Variants in INSR observed in about 807,000 individuals in gnomAD.
The protein encoded by INSR is insulin receptor, also known as IR.
In INSR, 67 loss-of-function variants were observed where a neutral mutation model predicts 142.6. The observed-to-expected ratio is 0.47, with a 90% CI of 0.39 to 0.58. INSR has a LOEUF of 0.58. Ranked by LOEUF, INSR falls within the 20% of genes least tolerant of loss-of-function variation. The pLI is 0.00. For missense variants in INSR, 1,248 were observed against 1,833.2 expected (o/e 0.68, Z 5.83); for synonymous variants, 756 against 743.1 (o/e 1.02, Z -0.28).
chr19:7,207,944 A>AGGAAGGGAG (rs1568487006), intron 2 of INSR, among the ~76,000 whole-genome samples: 3 of 46,380 alleles, frequency 6.5e-5, no homozygotes, highest in Admixed American at 3.0e-4. Context: ...AAGGAAGGGA[A>AGGAAGGGAG]GGAGGGAGGG....
intron 13 of INSR, among the ~76,000 whole-genome samples, chr19:7,139,452 C>A (rs972261108): frequency 1.3e-5 from 2 of 152,278 alleles, no homozygotes; most frequent in South Asian, 2.1e-4. Flanking sequence ...AGATTAAATT[C>A]TATCTAGCAA....
At chr19:7,120,115 C>T (rs531830580) in intron 20 of INSR, among the ~76,000 whole-genome samples, 1 of 152,358 alleles carries the variant, frequency 6.6e-6, no homozygotes, top group East Asian at 1.9e-4. Context: ...ACTGAGATAC[C>T]TGCATATCTG....
chr19:7,142,979 C>T lies in INSR; in HGVS notation c.2379G>A (p.Glu793=). The part of the protein sequence containing the change: ...TSSTSVPTSP[E]EHRPFEKVVN... ...CCACCTTCTCAAAAGGCCTGTGCTC[C>T]TCCGGACTCGTGGGCACGCTGGTCG... Residue 793 remains glutamate (E), a synonymous_variant, in exon 12 of 22, where the codon GAG becomes GAA. Coordinates refer to ENST00000302850, the MANE Select transcript of INSR (RefSeq NM_000208.4). 6.2e-7 allele frequency: 1 copy of T among 1,614,182 alleles called. No homozygotes were observed. Among genetic ancestry groups the T allele is most frequent in the Non-Finnish European group, 8.5e-7 (1 of 1,180,030 alleles).
At chr19:7,249,721 G>A (rs552014208) in intron 2 of INSR, among the ~76,000 whole-genome samples, 53 of 152,202 alleles carry the variant, frequency 3.5e-4, no homozygotes, top group Non-Finnish European at 6.2e-4. Flanking sequence ...GGCTGGGCGC[G>A]GTGGCTCACG....
Position 7,148,477 on chromosome 19 carries a change from C to CTTTTTTTTT in INSR, c.2267+2011_2267+2019dup, listed in dbSNP as rs71177160. Among the ~76,000 whole-genome samples, 427 of 95,036 alleles carry CTTTTTTTTT rather than the reference C, an allele frequency of 4.5e-3. 63 individuals are homozygous for CTTTTTTTTT. Among genetic ancestry groups the CTTTTTTTTT allele is most frequent in the East Asian group, 0.017 (54 of 3,238 alleles). The allele number at this position is 95,036 out of a possible 152,430, so 62.3% of individuals were successfully genotyped here. A position where few individuals can be genotyped will look rare whatever the true frequency, so the allele number is the denominator to read the frequency against. On this transcript the variant is annotated intron_variant, in intron 11 of 21. Transcript: ENST00000302850. ...TTATTATTAGTATTATGTATTTATT[C>CTTTTTTTTT]TTTTTTTTTTTTTTTTTTGAGACAG...
intron 2 of INSR, among the ~76,000 whole-genome samples, chr19:7,238,617 C>CA (rs796144540): frequency 0.27 from 18,384 of 68,950 alleles, 2,353 homozygotes; most frequent in Non-Finnish European, 0.31. Flanking sequence ...TGCTCCATCT[C>CA]AAAAAAAAAA....
intron 2 of INSR, among the ~76,000 whole-genome samples, chr19:7,212,114 G>A (rs1244836636): frequency 7.0e-6 from 1 of 143,428 alleles, no homozygotes. Flanking sequence ...CCCACTCCAT[G>A]TCAGGAGCAT....
rs1449418837 is a variant in INSR at position 7,150,939 on chromosome 19, CCTCT to C, written c.2232-411_2232-408del. Among the ~76,000 whole-genome samples, 40 of 145,302 alleles carry C rather than the reference CCTCT, an allele frequency of 2.8e-4. No homozygotes were observed. Among genetic ancestry groups the C allele is most frequent in the African/African-American group, 8.2e-4 (32 of 39,084 alleles). ...CTTTTCTCTTTCTCTTTTCTCTCTCCCTCTCTCTCCTTCCTTCCTTCTTTCCTCT... is the reference window on the plus strand; with the variant it reads ...CTTTTCTCTTTCTCTTTTCTCTCTCCCTCTCCTTCCTTCCTTCTTTCCTCT... On this transcript the variant is annotated intron_variant, in intron 10 of 21. Coordinates refer to ENST00000302850, the MANE Select transcript of INSR (RefSeq NM_000208.4). The surrounding 1 kb of genome is among the most constrained non-coding windows in gnomAD (Gnocchi z 4.2).
intron 13 of INSR, among the ~76,000 whole-genome samples, chr19:7,137,109 G>A (rs1972948196): frequency 1.3e-5 from 2 of 152,056 alleles, no homozygotes; most frequent in Admixed American, 6.5e-5. Context: ...TAGGATTACA[G>A]GCGTGAGCCA....
At chr19:7,138,602 C>T (rs1467823951) in intron 13 of INSR, among the ~76,000 whole-genome samples, 1 of 151,982 alleles carries the variant, frequency 6.6e-6, no homozygotes, top group South Asian at 2.1e-4. Context: ...AAACTCCTGG[C>T]CTCAAGCAAT....
intron 1 of INSR, among the ~76,000 whole-genome samples, chr19:7,283,879 A>G (rs1968272939): frequency 6.6e-6 from 1 of 152,154 alleles, no homozygotes; most frequent in African/African-American, 2.4e-5. Context: ...TCTGGCCACA[A>G]CACATTTATC....
Position 7,170,607 on chromosome 19 carries a change from T to G in INSR, c.1413A>C (p.Glu471Asp), listed in dbSNP as rs769839641. ...LCLSEIHKME[E>D]VSGTKGRQER... The stretch of plus-strand genomic sequence containing the variant: ...CCTGGCGCCCCTTGGTTCCTGAAAC[T>G]TCTTCCATCTTGTGGATTTCTGACA... The change falls in exon 6 of 22, where the codon GAA (glutamate) becomes GAC (aspartate). Residue 471 changes from glutamate (E) to aspartate (D), a missense_variant. Glu to Asp is a conservative substitution (Grantham distance 45). Around this residue, in one of 3 missense-constraint regions of INSR, gnomAD observed 1,069 missense variants for 1,654.0 expected, o/e 0.65. Transcript: ENST00000302850. 6.2e-7 allele frequency: 1 copy of G among 1,613,818 alleles called. No individual in the cohort carries two copies. The highest frequency in any genetic ancestry group is 8.5e-7 in the Non-Finnish European group (1 of 1,179,982).
At chr19:7,219,950 G>C (rs1321295758) in intron 2 of INSR, among the ~76,000 whole-genome samples, 2 of 152,086 alleles carry the variant, frequency 1.3e-5, no homozygotes, top group Non-Finnish European at 2.9e-5. Flanking sequence ...TAAAGTCCCA[G>C]AACTGAATCT....
chr19:7,240,897 A>G (rs1976319287), intron 2 of INSR, among the ~76,000 whole-genome samples: 1 of 152,198 alleles, frequency 6.6e-6, no homozygotes, highest in Non-Finnish European at 1.5e-5. Flanking sequence ...GCCCCACAGT[A>G]TCTCATTACA....
rs769169105 is a variant in INSR at position 7,166,284 on chromosome 19, C to T, written c.1731G>A (p.Gly577=). The T allele has an allele frequency of 3.9e-5, 63 of 1,614,024 alleles. No homozygotes were observed. Among genetic ancestry groups the T allele is most frequent in the Admixed American group, 1.0e-4 (6 of 59,970 alleles). The change falls in exon 8 of 22, where the codon GGG becomes GGA. Residue 577 remains glycine, a synonymous_variant. Coordinates refer to ENST00000302850, the MANE Select transcript of INSR (RefSeq NM_000208.4). The surrounding 1 kb of genome is among the most constrained non-coding windows in gnomAD (Gnocchi z 4.1). ...SNDPKSQNHP[G]WLMRGLKPWT... Reference sequence around the variant, plus strand: ...AGGGCTTGAGACCCCGCATCAGCCACCCTGGGTGGTTCTGTGATTTGGGGT... The same window carrying T: ...AGGGCTTGAGACCCCGCATCAGCCATCCTGGGTGGTTCTGTGATTTGGGGT...
At chr19:7,259,579 T>G (rs572565535) in intron 2 of INSR, among the ~76,000 whole-genome samples, 162 of 152,020 alleles carry the variant, frequency 1.1e-3, no homozygotes, top group African/African-American at 3.8e-3. Context: ...AGCACTTTGG[T>G]AGGCCAAGGC....
rs759126654 is a variant in INSR at position 7,125,412 on chromosome 19, C to T, written c.3129G>A (p.Arg1043=). ...SFGMVYEGNA[R]DIIKGEAETR... ...TCTCTGCCTCACCCTTGATGATGTC[C>T]CTGGCATTGCCCTCATACACCATGC... Residue 1043 remains arginine (R), a synonymous_variant, in exon 17 of 22, where the codon AGG becomes AGA. Transcript: ENST00000302850. The surrounding 1 kb of genome is among the most constrained non-coding windows in gnomAD (Gnocchi z 4.9). The T allele has an allele frequency of 6.2e-7, 1 of 1,614,186 alleles. No individual in the cohort carries two copies. The highest frequency in any genetic ancestry group is 8.5e-7 in the Non-Finnish European group (1 of 1,180,038).
intron 1 of INSR, among the ~76,000 whole-genome samples, chr19:7,272,745 T>C (rs892470603): frequency 6.6e-6 from 1 of 152,190 alleles, no homozygotes; most frequent in African/African-American, 2.4e-5. Context: ...CATGCCCAGC[T>C]AATTTAAATT....
chr19:7,137,022 G>A (rs1301980975), intron 13 of INSR, among the ~76,000 whole-genome samples: 2 of 151,766 alleles, frequency 1.3e-5, no homozygotes, highest in African/African-American at 4.8e-5. Flanking sequence ...TAGTAGATAC[G>A]AAGTTTCACC....
Sources: allele counts gnomAD v4.1 joint callset (sites outside exome capture counted in the v4.1 genomes callset), GRCh38; gene constraint gnomAD v4.1.1; regional missense constraint gnomAD v4.1.1; non-coding constraint Gnocchi (gnomAD v3.1); transcripts MANE v1.5; gene names NCBI Gene and HGNC (gene_info 2026-07-23, HGNC 2026-07-21).